Variants in TBC1D23 observed in about 807,000 individuals in gnomAD.
The protein encoded by TBC1D23 is TBC1 domain family member 23.
A neutral mutation model predicts 91.4 loss-of-function variants in TBC1D23; 55 were observed. The observed-to-expected ratio is 0.60, with a 90% CI of 0.48 to 0.75. The LOEUF is 0.75. TBC1D23 is among the 30% of genes least tolerant of loss of function. The probability of loss-of-function intolerance (pLI) is 0.00; values close to 1 mark genes in which losing one functional copy is unlikely to be tolerated. For missense variants in TBC1D23, 725 were observed against 836.1 expected, an observed-to-expected ratio of 0.87 and a Z score of 1.64; for synonymous variants, 289 against 281.0, an observed-to-expected ratio of 1.03 and a Z score of -0.28.
Position 100,294,969 on chromosome 3 carries a change from A to G in TBC1D23, c.601-118A>G, listed in dbSNP as rs1032082968. 13 of 1,038,646 alleles carry G rather than the reference A, an allele frequency of 1.3e-5. No individual in the cohort carries two copies. The African/African-American group carries it at 2.1e-4, about 17-fold the overall frequency. The allele number at this position is 1,038,646 out of a possible 1,614,324, so 64.3% of individuals were successfully genotyped here. On this transcript the variant is annotated intron_variant, in intron 5 of 18. Transcript: ENST00000394144. ...TTCATACACTAAGATTAAGGTACGC[A>G]TTAAATATCAGGTGCAGATAATTTG... is the stretch of plus-strand genomic sequence containing the variant.
At chr3:100,270,216 C>A (rs2148849776) in intron 1 of TBC1D23, among the ~76,000 whole-genome samples, 1 of 152,178 alleles carries the variant, frequency 6.6e-6, no homozygotes, top group Non-Finnish European at 1.5e-5. Context: ...GTAGTAGGTG[C>A]TCAATACATA....
At chr3:100,261,939 T>C (rs553998802) in intron 1 of TBC1D23, among the ~76,000 whole-genome samples, 1 of 152,378 alleles carries the variant, frequency 6.6e-6, no homozygotes, top group African/African-American at 2.4e-5. Flanking sequence ...GTATTAGTTT[T>C]GGATTTGCTT....
chr3:100,288,531 G>A (rs570351053), intron 4 of TBC1D23, among the ~76,000 whole-genome samples: 1 of 152,212 alleles, frequency 6.6e-6, no homozygotes, highest in South Asian at 2.1e-4. Context: ...TCTGTAAATT[G>A]GGTATATATT....
In TBC1D23 at chr3:100,324,465, T is replaced by A. The variant is rs1705918672; in HGVS notation, c.*797T>A. On this transcript the variant is annotated 3_prime_UTR_variant, in exon 19 of 19. Transcript: ENST00000394144. ...ACAAGCGGATTATTTTATTCATATT[T>A]TAAAACAAATGTTTAAGCCACATTG... 6.6e-6 allele frequency: 1 copy of A among 152,232 alleles called. No homozygotes were observed. Among genetic ancestry groups the A allele is most frequent in the Non-Finnish European group, 1.5e-5 (1 of 68,028 alleles). 9.4% of individuals were successfully genotyped at this position (152,232 alleles called of 1,614,324 possible). A position where few individuals can be genotyped will look rare whatever the true frequency, so the allele number is the denominator to read the frequency against.
chr3:100,321,156 CAT>C (rs1211198771), intron 18 of TBC1D23, among the ~76,000 whole-genome samples, 185 bp downstream of exon 18: 1 of 152,198 alleles, frequency 6.6e-6, no homozygotes, highest in African/African-American at 2.4e-5. Context: ...GCCATTAGCA[CAT>C]GATTTGAGTA....
chr3:100,262,745 A>AC (rs2067523658), intron 1 of TBC1D23, among the ~76,000 whole-genome samples: 2 of 150,238 alleles, frequency 1.3e-5, no homozygotes, highest in Admixed American at 6.6e-5. Context: ...AAAAAAAAAA[A>AC]CACTAAAAAG....
Position 100,279,637 on chromosome 3 carries a change from C to T in TBC1D23, c.54-12C>T. The T allele has an allele frequency of 6.5e-7, 1 of 1,529,864 alleles. No homozygotes were observed. Among genetic ancestry groups the T allele is most frequent in the Non-Finnish European group, 9.0e-7 (1 of 1,115,454 alleles). 94.8% of individuals were successfully genotyped at this position (1,529,864 alleles called of 1,614,324 possible). On this transcript the variant is annotated splice_polypyrimidine_tract_variant and intron_variant, in intron 1 of 18. Coordinates refer to ENST00000394144, the MANE Select transcript of TBC1D23 (RefSeq NM_001199198.3). Reference sequence around the variant, plus strand: ...ATAAAGTTCATTTTAATAAATAGGACTTATTTTTTAGGGAAAAAGATCTTG... The same window carrying T: ...ATAAAGTTCATTTTAATAAATAGGATTTATTTTTTAGGGAAAAAGATCTTG...
intron 8 of TBC1D23, among the ~76,000 whole-genome samples, chr3:100,297,225 G>A (rs975155585): frequency 1.2e-4 from 19 of 152,062 alleles, no homozygotes; most frequent in African/African-American, 4.1e-4. Flanking sequence ...GGTACTCATC[G>A]TGTCACTGAA....
intron 1 of TBC1D23, among the ~76,000 whole-genome samples, chr3:100,279,231 G>T (rs148387891): frequency 6.6e-6 from 1 of 152,038 alleles, no homozygotes; most frequent in Non-Finnish European, 1.5e-5. Context: ...GCATCTGTAC[G>T]TGGGGTCAGT....
At chr3:100,311,372 A>G (rs939922731) in intron 14 of TBC1D23, among the ~76,000 whole-genome samples, 2 of 152,194 alleles carry the variant, frequency 1.3e-5, no homozygotes, top group Non-Finnish European at 2.9e-5. Flanking sequence ...TGCATTTAGT[A>G]AATAGCCGAG....
At chr3:100,317,281 A>AC (rs1399832205) in intron 16 of TBC1D23, among the ~76,000 whole-genome samples, 2 of 151,968 alleles carry the variant, frequency 1.3e-5, no homozygotes, top group Non-Finnish European at 1.5e-5. Context: ...CCCAAATCTC[A>AC]CCTTGCTTTT....
At chr3:100,287,030 C>T (rs2067749606) in intron 4 of TBC1D23, among the ~76,000 whole-genome samples, 1 of 152,044 alleles carries the variant, frequency 6.6e-6, no homozygotes, top group Admixed American at 6.6e-5. Flanking sequence ...CCAAACTGGT[C>T]TCAAACTTCT....
At chr3:100,299,099 C>G (rs1333537163) in intron 9 of TBC1D23, 140 bp from the exon 10 acceptor site, 1 of 475,832 alleles carries the variant, frequency 2.1e-6, no homozygotes, top group African/African-American at 2.0e-5. Context: ...ATTTTCTGTG[C>G]TAACTAGGTC....
chr3:100,296,716 C>T (rs573244502), intron 8 of TBC1D23, among the ~76,000 whole-genome samples: 5 of 151,878 alleles, frequency 3.3e-5, no homozygotes, highest in South Asian at 2.1e-4. Context: ...AAAAATTAGC[C>T]GGGCGTGGTG....
intron 16 of TBC1D23, among the ~76,000 whole-genome samples, 197 bp from the exon 17 acceptor site, chr3:100,318,872 C>G (rs893980925): frequency 1.3e-5 from 2 of 151,902 alleles, no homozygotes; most frequent in Non-Finnish European, 2.9e-5. Context: ...AGGCTGGTCT[C>G]CAACTCCTGC....
At chr3:100,298,879 A>C (rs6793402) in intron 9 of TBC1D23, among the ~76,000 whole-genome samples, 1,743 of 152,264 alleles carry the variant, frequency 0.011, 27 homozygotes, top group African/African-American at 0.04. Context: ...TTGCAGATTT[A>C]TTTGCAAAAA....
Position 100,283,688 on chromosome 3 carries a change from G to T in TBC1D23, c.353G>T (p.Arg118Leu). The change falls in exon 4 of 19, where the codon CGT (arginine) becomes CTT (leucine). Residue 118 changes from arginine to leucine, a missense_variant. Transcript: ENST00000394144. ...ESVITFYCKS[R>L]NIKYSTSLSW... ...GTAATTACCTTTTATTGTAAATCAC[G>T]TAACATTAAATATAGCACATCCCTT... is the stretch of plus-strand genomic sequence containing the variant. The T allele has an allele frequency of 1.2e-6, 2 of 1,612,010 alleles. No individual in the cohort carries two copies. The highest frequency in any genetic ancestry group is 1.7e-6 in the Non-Finnish European group (2 of 1,178,110).
intron 1 of TBC1D23, among the ~76,000 whole-genome samples, chr3:100,275,989 G>A (rs561238083): frequency 6.6e-6 from 1 of 152,102 alleles, no homozygotes; most frequent in South Asian, 2.1e-4. Flanking sequence ...TCAGCGGTTG[G>A]CAGAGACTGG....
rs1225534726 is a variant in TBC1D23 at position 100,319,194 on chromosome 3, A to G, written c.1813A>G (p.Met605Val). The G allele has an allele frequency of 1.2e-6, 2 of 1,603,808 alleles. No homozygotes were observed. Among genetic ancestry groups the G allele is most frequent in the Admixed American group, 3.5e-5 (2 of 57,222 alleles). ...PCKEVKESGH[M>V]FPSHLLVTAT... ...TAAAGAAGTAAAAGAAAGTGGACAC[A>G]TGTTTCCCAGGTACTTTTAAAAATG... Residue 605 changes from methionine to valine, a missense_variant, in exon 17 of 19, where the codon ATG becomes GTG. Met to Val is a conservative substitution (Grantham distance 21). Transcript: ENST00000394144.
Sources: gnomAD v4.1 joint callset for allele counts (sites outside exome capture counted in the v4.1 genomes callset) on GRCh38, gnomAD v4.1.1 for gene constraint, MANE v1.5 for transcripts, NCBI Gene and HGNC (gene_info 2026-07-23, HGNC 2026-07-21) for gene names.